Variants in ZFPM2 observed in about 807,000 individuals in gnomAD.
ZFPM2 encodes the protein zinc finger protein ZFPM2.
In ZFPM2, 20 loss-of-function variants were observed where a neutral mutation model predicts 98.6. That is an observed-to-expected ratio of 0.20 (90% CI 0.14 to 0.29). The LOEUF is 0.29. ZFPM2 is among the 10% of genes least tolerant of loss of function. ZFPM2 has a pLI of 1.00. For missense variants in ZFPM2, 1,310 were observed against 1,388.6 expected, an observed-to-expected ratio of 0.94 and a Z score of 0.90; for synonymous variants, 518 against 502.7, an observed-to-expected ratio of 1.03 and a Z score of -0.41.
intron 3 of ZFPM2, among the ~76,000 whole-genome samples, chr8:105,512,664 C>T (rs1291218532): frequency 6.6e-6 from 1 of 151,954 alleles, no homozygotes; most frequent in African/African-American, 2.4e-5. Flanking sequence ...GAGAAATAAG[C>T]CCTTAAAAAT....
chr8:105,796,980 G>A (rs945310010), intron 6 of ZFPM2: 1 of 151,264 alleles, frequency 6.6e-6, no homozygotes, highest in African/African-American at 2.4e-5. Context: ...CTGTGTAGAT[G>A]AATGAAGCCA....
At chr8:105,792,384 A>G (rs979506676) in intron 6 of ZFPM2, among the ~76,000 whole-genome samples, 18 of 152,094 alleles carry the variant, frequency 1.2e-4, no homozygotes, top group Non-Finnish European at 1.0e-4. Flanking sequence ...TTCAGTTTCC[A>G]TGTAGTTGAG....
At chr8:105,639,789 A>C (rs1254389744) in intron 5 of ZFPM2, among the ~76,000 whole-genome samples, 1 of 152,044 alleles carries the variant, frequency 6.6e-6, no homozygotes, top group Non-Finnish European at 1.5e-5. Context: ...TATCGTATTT[A>C]TAGCGAAGAC....
intron 1 of ZFPM2, among the ~76,000 whole-genome samples, chr8:105,411,102 G>T (rs1453128529): frequency 1.3e-5 from 2 of 151,744 alleles, no homozygotes; most frequent in African/African-American, 4.8e-5. Flanking sequence ...AATTTGCCCA[G>T]TATTCTCTCA....
At chr8:105,470,902 A>T (rs1812890381) in intron 3 of ZFPM2, among the ~76,000 whole-genome samples, 1 of 152,184 alleles carries the variant, frequency 6.6e-6, no homozygotes, top group Non-Finnish European at 1.5e-5. Flanking sequence ...AAATTACTAA[A>T]TTCAAAATTA....
intron 5 of ZFPM2, among the ~76,000 whole-genome samples, chr8:105,770,932 C>G (rs943735058): frequency 3.3e-5 from 5 of 152,144 alleles, no homozygotes; most frequent in African/African-American, 4.8e-5. Flanking sequence ...TATCTTTCCT[C>G]TAGGGAGCTA....
chr8:105,431,755 A>G (rs769645813), intron 2 of ZFPM2, among the ~76,000 whole-genome samples: 1 of 152,018 alleles, frequency 6.6e-6, no homozygotes, highest in Non-Finnish European at 1.5e-5. Flanking sequence ...TCTATAAAAA[A>G]TAACAAACAG....
rs375017296 is a variant in ZFPM2 at position 105,525,617 on chromosome 8, G to A, written c.302-35746G>A. 8.3e-4 allele frequency among the ~76,000 whole-genome samples: 127 copies of A among 152,260 alleles called. 3 individuals are homozygous for A. The South Asian group carries it at 0.026, about 31-fold the overall frequency. On this transcript the variant is annotated intron_variant, in intron 3 of 7. Transcript: ENST00000407775. ...TAAATTTTCAAATATAGAGTACTAG[G>A]CAGTTAGGTGATATGATTTCCATGT...
At chr8:105,692,198 G>T (rs892336065) in intron 5 of ZFPM2, among the ~76,000 whole-genome samples, 1 of 152,114 alleles carries the variant, frequency 6.6e-6, no homozygotes, top group Non-Finnish European at 1.5e-5. Context: ...TGTTTAATTT[G>T]TATACTGCTA....
intron 3 of ZFPM2, among the ~76,000 whole-genome samples, chr8:105,553,301 A>G (rs1213490057): frequency 6.6e-6 from 1 of 152,208 alleles, no homozygotes; most frequent in African/African-American, 2.4e-5. Flanking sequence ...ATAATAAGGT[A>G]AAAGGTTCCT....
chr8:105,516,598 A>G (rs10955397), intron 3 of ZFPM2, among the ~76,000 whole-genome samples: 5 of 152,164 alleles, frequency 3.3e-5, no homozygotes, highest in African/African-American at 1.2e-4. Context: ...CTGATGTCTC[A>G]GTCTGTCCTT....
chr8:105,330,553 CATATATATATATATACA>C (rs1812195993), intron 1 of ZFPM2, among the ~76,000 whole-genome samples: 1 of 92,410 alleles, frequency 1.1e-5, no homozygotes, highest in African/African-American at 3.8e-5. Context: ...TATATATATA[CATATATATATATATACA>C]TATATATATA....
chr8:105,761,277 G>C (rs1812729365), intron 5 of ZFPM2, among the ~76,000 whole-genome samples: 1 of 151,982 alleles, frequency 6.6e-6, no homozygotes, highest in South Asian at 2.1e-4. Context: ...CACTTTGAGG[G>C]AATGCTCTAT....
chr8:105,720,958 C>G (rs1230729447), intron 5 of ZFPM2, among the ~76,000 whole-genome samples: 1 of 151,850 alleles, frequency 6.6e-6, no homozygotes. Flanking sequence ...AATGAAAAAG[C>G]CTTTTGTGGA....
At chr8:105,432,843 T>C (rs1452012274) in intron 2 of ZFPM2, among the ~76,000 whole-genome samples, 4 of 152,206 alleles carry the variant, frequency 2.6e-5, no homozygotes, top group Admixed American at 6.5e-5. Context: ...CTCATACCTG[T>C]AATCCCAGCA....
intron 5 of ZFPM2, among the ~76,000 whole-genome samples, chr8:105,729,987 G>T (rs1002002931): frequency 2.0e-5 from 3 of 151,230 alleles, no homozygotes; most frequent in African/African-American, 7.3e-5. Context: ...AGTGGATCTT[G>T]TTCCTGCTGT....
intron 5 of ZFPM2, among the ~76,000 whole-genome samples, chr8:105,696,954 A>G (rs1481419107): frequency 6.6e-6 from 1 of 152,172 alleles, no homozygotes; most frequent in Admixed American, 6.5e-5. Context: ...CTTGATATGT[A>G]TTTGATTATG....
At chr8:105,653,156 A>C (rs1008477549) in intron 5 of ZFPM2, among the ~76,000 whole-genome samples, 1 of 152,226 alleles carries the variant, frequency 6.6e-6, no homozygotes, top group Non-Finnish European at 1.5e-5. Flanking sequence ...AGTTTAAGAA[A>C]GTGAACACAT....
intron 3 of ZFPM2, among the ~76,000 whole-genome samples, chr8:105,454,335 T>C (rs759205033): frequency 2.0e-5 from 3 of 152,224 alleles, no homozygotes; most frequent in Non-Finnish European, 4.4e-5. Context: ...ATCTAGATCC[T>C]TGAATAAATT....
Sources: allele counts gnomAD v4.1 joint callset (sites outside exome capture counted in the v4.1 genomes callset), GRCh38; gene constraint gnomAD v4.1.1; transcripts MANE v1.5; gene names NCBI Gene and HGNC (gene_info 2026-07-23, HGNC 2026-07-21).